GALNT1: variants seen among roughly 807,000 people sequenced by gnomAD.
GALNT1 encodes GalNAc transferase 1.
GALNT1 carries 17 observed loss-of-function variants against 65.7 expected under a neutral mutation model. The observed-to-expected ratio is 0.26, with a 90% CI of 0.18 to 0.39. The LOEUF is 0.39. Among genes scored for constraint, GALNT1 ranks in the 10% least tolerant of loss-of-function variants. GALNT1 has a pLI of 1.00. For missense variants in GALNT1, 460 were observed against 672.8 expected (o/e 0.68, Z 3.50); for synonymous variants, 210 against 219.7 (o/e 0.96, Z 0.39).
intron 2 of GALNT1, among the ~76,000 whole-genome samples, chr18:35,661,932 C>T (rs1169339296): frequency 6.6e-6 from 1 of 152,010 alleles, no homozygotes; most frequent in East Asian, 1.9e-4. Flanking sequence ...TAATCAGGGC[C>T]ACTAGATGTC....
intron 3 of GALNT1, among the ~76,000 whole-genome samples, chr18:35,673,940 A>G (rs912652045): frequency 2.0e-5 from 3 of 152,190 alleles, no homozygotes; most frequent in Admixed American, 2.0e-4. Context: ...ACAGCCTACT[A>G]CACACCTAGG....
intron 3 of GALNT1, among the ~76,000 whole-genome samples, chr18:35,665,449 T>G (rs1200537733): frequency 6.6e-6 from 1 of 152,108 alleles, no homozygotes; most frequent in East Asian, 1.9e-4. Context: ...AAGAGAAAAT[T>G]TATCCACAAA....
rs1491490482 is a variant in GALNT1, at chr18:35,581,786, T to TGC, written c.-179_-178insCG. On this transcript the variant is annotated 5_prime_UTR_variant, in exon 1 of 12. Coordinates refer to ENST00000269195, the MANE Select transcript of GALNT1 (RefSeq NM_020474.4). The stretch of plus-strand genomic sequence containing the variant: ...GGACGGCGGCCCGAGAGTAGCGCGC[T>TGC]GGCCGCGGGACCGGCCGCGACCGCC... 2 of 704 alleles carry TGC rather than the reference T, an allele frequency of 2.8e-3. No homozygotes were observed. The highest frequency in any genetic ancestry group is 7.8e-3 in the Non-Finnish European group (2 of 258). 0.0% of individuals were successfully genotyped at this position (704 alleles called of 1,614,324 possible).
intron 3 of GALNT1, among the ~76,000 whole-genome samples, chr18:35,669,173 G>A (rs556838117): frequency 1.3e-5 from 2 of 152,118 alleles, no homozygotes; most frequent in Non-Finnish European, 1.5e-5. Flanking sequence ...CCGGGGAGGC[G>A]GAGCTTGTAG....
At chr18:35,698,155 G>T (rs118001108) in intron 9 of GALNT1, among the ~76,000 whole-genome samples, 3 of 152,166 alleles carry the variant, frequency 2.0e-5, no homozygotes, top group Non-Finnish European at 4.4e-5. Context: ...CACATCTGAC[G>T]TGTCGGCTAC....
intron 8 of GALNT1, among the ~76,000 whole-genome samples, chr18:35,691,442 T>A (rs1224635524): frequency 6.6e-6 from 1 of 152,054 alleles, no homozygotes. Context: ...AGATGTTCTA[T>A]TTTTTTTAAA....
At chr18:35,632,497 A>G (rs2047028029) in intron 1 of GALNT1, among the ~76,000 whole-genome samples, 1 of 152,240 alleles carries the variant, frequency 6.6e-6, no homozygotes, top group Non-Finnish European at 1.5e-5. Flanking sequence ...GGCTAGCCAT[A>G]TGTAGAAAGC....
In GALNT1 at chr18:35,663,580, A is replaced by G. The variant is rs1322317779; in HGVS notation, c.140-48A>G. The stretch of plus-strand genomic sequence containing the variant: ...TGTTATTAAATAGAATCATGAATCA[A>G]TCAATTGCTATGAAATTAATGTTAG... On this transcript the variant is annotated intron_variant, in intron 2 of 11. Transcript: ENST00000269195. 5 of 1,535,940 alleles carry G rather than the reference A, an allele frequency of 3.3e-6. No individual in the cohort carries two copies. In the African/African-American group the frequency reaches 5.5e-5, roughly 17 times the overall value.
chr18:35,676,588 C>T (rs1354059184), intron 3 of GALNT1, among the ~76,000 whole-genome samples: 1 of 152,156 alleles, frequency 6.6e-6, no homozygotes, highest in African/African-American at 2.4e-5. Flanking sequence ...CCCACTCCCA[C>T]TGACAGGCGA....
rs146629209 is a variant in GALNT1 at position 35,658,627 on chromosome 18, G to A, written c.139+3826G>A. ...AAGAGATGTTTACTAAAGAGGATCA[G>A]GGAGAGGGAATGGGTAATGGCACCA... On this transcript the variant is annotated intron_variant, in intron 2 of 11. Coordinates refer to ENST00000269195, the MANE Select transcript of GALNT1 (RefSeq NM_020474.4). Among the ~76,000 whole-genome samples, 1,090 of 152,198 alleles carry A rather than the reference G, an allele frequency of 7.2e-3. 13 individuals carry two copies. The highest frequency in any genetic ancestry group is 0.024 in the African/African-American group (1,013 of 41,520).
intron 1 of GALNT1, among the ~76,000 whole-genome samples, chr18:35,641,300 A>T (rs541981099): frequency 6.6e-6 from 1 of 152,094 alleles, no homozygotes; most frequent in Non-Finnish European, 1.5e-5. Context: ...TACAAAAATT[A>T]GGCGGGCATG....
At chr18:35,625,366 G>A (rs2144143233) in intron 1 of GALNT1, among the ~76,000 whole-genome samples, 1 of 152,056 alleles carries the variant, frequency 6.6e-6, no homozygotes, top group African/African-American at 2.4e-5. Context: ...AGAAAAGTAG[G>A]AGAACAAGAA....
In GALNT1 at chr18:35,682,243, C is replaced by G. The variant is rs189247238; in HGVS notation, c.482-1148C>G. 4.7e-4 allele frequency among the ~76,000 whole-genome samples: 72 copies of G among 151,640 alleles called. 1 individual carries two copies. The highest frequency in any genetic ancestry group is 4.6e-3 in the Admixed American group (70 of 15,250). On this transcript the variant is annotated intron_variant, in intron 4 of 11. Coordinates refer to ENST00000269195, the MANE Select transcript of GALNT1 (RefSeq NM_020474.4). ...TGTAGTGGGACACATAGGCCTTTCTCTTTTACAGCTTTTTATATCCCTGAT... is the reference window on the plus strand; with the variant it reads ...TGTAGTGGGACACATAGGCCTTTCTGTTTTACAGCTTTTTATATCCCTGAT...
chr18:35,697,060 T>C (rs1203034558), intron 9 of GALNT1, among the ~76,000 whole-genome samples: 1 of 152,316 alleles, frequency 6.6e-6, no homozygotes, highest in East Asian at 1.9e-4. Flanking sequence ...AATAGTAGTT[T>C]TAAAGTGGCA....
At chr18:35,660,038 A>G (rs2047454577) in intron 2 of GALNT1, 2 of 152,180 alleles carry the variant, frequency 1.3e-5, no homozygotes, top group Admixed American at 6.5e-5. Context: ...TAAAAGTGAT[A>G]ACATTCCAGT....
intron 1 of GALNT1, among the ~76,000 whole-genome samples, chr18:35,641,476 T>A (rs1190012455): frequency 6.6e-6 from 1 of 152,084 alleles, no homozygotes; most frequent in African/African-American, 2.4e-5. Context: ...GCAGTACATT[T>A]AACTCACACA....
intron 9 of GALNT1, among the ~76,000 whole-genome samples, chr18:35,697,271 G>T (rs1308547055): frequency 6.6e-6 from 1 of 152,084 alleles, no homozygotes; most frequent in Non-Finnish European, 1.5e-5. Context: ...AATGAGAAAG[G>T]GTTCTTATAG....
rs186592632 is a variant in GALNT1, at chr18:35,650,702, T to G, written c.-103-3858T>G. Among the ~76,000 whole-genome samples the G allele has an allele frequency of 5.2e-3, 790 of 152,254 alleles. 6 individuals are homozygous for G. Among genetic ancestry groups the G allele is most frequent in the Non-Finnish European group, 7.7e-3 (525 of 68,022 alleles). The stretch of plus-strand genomic sequence containing the variant: ...CCTATTTGCTTTTGAAAGAGAGAAA[T>G]ATGGCTCTGTTCCGCCCGGCCCACA... On this transcript the variant is annotated intron_variant, in intron 1 of 11. Coordinates refer to ENST00000269195, the MANE Select transcript of GALNT1 (RefSeq NM_020474.4).
At chr18:35,659,201 C>G (rs181369599) in intron 2 of GALNT1, among the ~76,000 whole-genome samples, 35 of 152,240 alleles carry the variant, frequency 2.3e-4, no homozygotes, top group Admixed American at 2.0e-3. Flanking sequence ...ATTTTACTGT[C>G]TCTGCTGTGA....
Sources: gnomAD v4.1 joint callset for allele counts (sites outside exome capture counted in the v4.1 genomes callset) on GRCh38, gnomAD v4.1.1 for gene constraint, MANE v1.5 for transcripts, NCBI Gene and HGNC (gene_info 2026-07-23, HGNC 2026-07-21) for gene names.